The following DOK6 variants were observed in gnomAD, a reference collection of about 807,000 sequenced individuals.
DOK6 encodes downstream of tyrosine kinase 6.
A neutral mutation model predicts 44.0 loss-of-function variants in DOK6; 22 were observed. That is an observed-to-expected ratio of 0.50 (90% CI 0.36 to 0.71). The LOEUF (loss-of-function observed/expected upper bound fraction) is 0.71. Ranked by LOEUF, DOK6 falls within the 30% of genes least tolerant of loss-of-function variation. The probability of loss-of-function intolerance (pLI) is 0.00; values close to 1 mark genes in which losing one functional copy is unlikely to be tolerated. For missense variants in DOK6, 340 were observed against 416.4 expected, an observed-to-expected ratio of 0.82 and a Z score of 1.60; for synonymous variants, 166 against 145.5, an observed-to-expected ratio of 1.14 and a Z score of -1.01.
chr18:69,653,151 G>A (rs1985274223), intron 3 of DOK6, among the ~76,000 whole-genome samples: 1 of 152,142 alleles, frequency 6.6e-6, no homozygotes, highest in Non-Finnish European at 1.5e-5. Flanking sequence ...AAGATAGAAA[G>A]CCACCATGTT....
intron 7 of DOK6, among the ~76,000 whole-genome samples, chr18:69,828,047 C>G (rs1394506272): frequency 2.0e-5 from 3 of 151,790 alleles, no homozygotes; most frequent in Admixed American, 6.6e-5. Context: ...TCTATCTAAA[C>G]CGGGAATACT....
At position 69,803,863 on chromosome 18, in the gene DOK6, A is replaced by AT. The variant is rs561799414; in HGVS notation, c.857-37381_857-37380insT. Among the ~76,000 whole-genome samples the AT allele has an allele frequency of 2.2e-3, 338 of 152,220 alleles. 2 individuals are homozygous for AT. Among genetic ancestry groups the AT allele is most frequent in the African/African-American group, 7.5e-3 (311 of 41,536 alleles). On this transcript the variant is annotated intron_variant, in intron 7 of 7. Coordinates refer to ENST00000382713, the MANE Select transcript of DOK6 (RefSeq NM_152721.6). ...ACAGAGCAAGGCTCCGTCTCAAAAA[A>AT]ATATATATATAGCTATGACCCACAC...
At chr18:69,469,888 G>A (rs893945460) in intron 1 of DOK6, 1 of 232,600 alleles carries the variant, frequency 4.3e-6, no homozygotes, top group Non-Finnish European at 9.0e-6. Flanking sequence ...AGGAAGTGAC[G>A]GCATCTGCTT....
At chr18:69,495,246 G>A (rs1204865735) in intron 1 of DOK6, among the ~76,000 whole-genome samples, 3 of 152,232 alleles carry the variant, frequency 2.0e-5, no homozygotes, top group African/African-American at 7.2e-5. Context: ...TCCCAGGTCT[G>A]GAGAGGGCCA....
At chr18:69,446,758 T>G (rs937811072) in intron 1 of DOK6, among the ~76,000 whole-genome samples, 12 of 152,270 alleles carry the variant, frequency 7.9e-5, no homozygotes, top group South Asian at 6.2e-4. Flanking sequence ...TCTAACTGGT[T>G]TGAGATGGTA....
chr18:69,548,611 C>A lies in DOK6; in HGVS notation c.67-15876C>A, dbSNP rs77809351. Reference sequence around the variant, plus strand: ...AGATATTTTAATGACAGCTGCAGATCTTACAGCTTAGAGACTTGTAGCTTG... The same window carrying A: ...AGATATTTTAATGACAGCTGCAGATATTACAGCTTAGAGACTTGTAGCTTG... On this transcript the variant is annotated intron_variant, in intron 1 of 7. Coordinates refer to ENST00000382713, the MANE Select transcript of DOK6 (RefSeq NM_152721.6). 7.3e-3 allele frequency among the ~76,000 whole-genome samples: 1,107 copies of A among 151,520 alleles called. 22 individuals carry two copies. The highest frequency in any genetic ancestry group is 0.021 in the African/African-American group (870 of 41,450).
At position 69,839,353 on chromosome 18, in the gene DOK6, C is replaced by T. The variant is rs551142266; in HGVS notation, c.857-1891C>T. 1.4e-4 allele frequency among the ~76,000 whole-genome samples: 21 copies of T among 150,646 alleles called. 1 individual carries two copies. In the South Asian group the frequency reaches 2.6e-3, roughly 18 times the overall value. On this transcript the variant is annotated intron_variant, in intron 7 of 7. Transcript: ENST00000382713. ...CCCATAACTCCTCCCCTAGCCCCTC[C>T]CCTGGTCTATCCCATGACTCCTTCC... is the stretch of plus-strand genomic sequence containing the variant.
intron 3 of DOK6, among the ~76,000 whole-genome samples, chr18:69,653,277 T>G (rs1985277094): frequency 6.7e-6 from 1 of 149,954 alleles, no homozygotes; most frequent in Non-Finnish European, 1.5e-5. Flanking sequence ...CTGAGAAGAA[T>G]TTTAGGCAGT....
At chr18:69,588,954 G>A (rs934126668) in intron 2 of DOK6, among the ~76,000 whole-genome samples, 28 of 152,042 alleles carry the variant, frequency 1.8e-4, no homozygotes, top group African/African-American at 6.5e-4. Flanking sequence ...TTGTGTCAGA[G>A]CACATGTCTG....
chr18:69,586,736 T>C (rs1317796099), intron 2 of DOK6, among the ~76,000 whole-genome samples: 3 of 152,096 alleles, frequency 2.0e-5, no homozygotes, highest in Admixed American at 6.5e-5. Flanking sequence ...AAGAGAGGCT[T>C]TGTGCTTAGC....
At chr18:69,578,107 C>G (rs1323825755) in intron 2 of DOK6, among the ~76,000 whole-genome samples, 2 of 151,902 alleles carry the variant, frequency 1.3e-5, no homozygotes, top group Non-Finnish European at 2.9e-5. Context: ...AAGAAAAATA[C>G]CTGTATCACT....
rs183498232 is a variant in DOK6, at chr18:69,646,097, A to T, written c.290-31637A>T. Among the ~76,000 whole-genome samples the T allele has an allele frequency of 3.7e-4, 57 of 152,250 alleles. 1 individual carries two copies. The highest frequency in any genetic ancestry group is 7.6e-4 in the Non-Finnish European group (52 of 67,992). On this transcript the variant is annotated intron_variant, in intron 3 of 7. Transcript: ENST00000382713. ...ACTAGAGTATATCTAGGAATCAATG[A>T]TTCTTTTAAATTTCCCCAGCATGTA...
At chr18:69,665,789 A>T (rs988975987) in intron 3 of DOK6, among the ~76,000 whole-genome samples, 5 of 149,282 alleles carry the variant, frequency 3.3e-5, no homozygotes, top group African/African-American at 2.5e-5. Flanking sequence ...CAGTAGTTAC[A>T]CCCACAGTTT....
chr18:69,703,708 T>A (rs1986571677), intron 5 of DOK6, among the ~76,000 whole-genome samples: 1 of 152,112 alleles, frequency 6.6e-6, no homozygotes, highest in Admixed American at 6.5e-5. Flanking sequence ...CCTACCTCAT[T>A]GCCATGCATA....
At chr18:69,813,412 C>T (rs1267821431) in intron 7 of DOK6, among the ~76,000 whole-genome samples, 2 of 151,814 alleles carry the variant, frequency 1.3e-5, no homozygotes, top group Non-Finnish European at 2.9e-5. Flanking sequence ...TCCTGCAGTG[C>T]CCTGGGAGTA....
chr18:69,439,839 C>T (rs146035184), intron 1 of DOK6, among the ~76,000 whole-genome samples: 3 of 152,328 alleles, frequency 2.0e-5, no homozygotes, highest in Admixed American at 6.5e-5. Context: ...CATGTGTTCA[C>T]TGTAGTAGCA....
At chr18:69,443,926 C>G (rs114121747) in intron 1 of DOK6, among the ~76,000 whole-genome samples, 2,696 of 139,222 alleles carry the variant, frequency 0.019, 35 homozygotes, top group Middle Eastern at 0.031. Context: ...TATGCTTGTA[C>G]TTACCACATT....
intron 2 of DOK6, among the ~76,000 whole-genome samples, chr18:69,594,958 A>G (rs1261107031): frequency 6.6e-6 from 1 of 152,188 alleles, no homozygotes; most frequent in Non-Finnish European, 1.5e-5. Flanking sequence ...ATTTCTATAC[A>G]CCAATAATGA....
chr18:69,708,223 A>G (rs1016077252), intron 5 of DOK6, among the ~76,000 whole-genome samples: 1 of 152,162 alleles, frequency 6.6e-6, no homozygotes, highest in Non-Finnish European at 1.5e-5. Flanking sequence ...GACTCTGTGG[A>G]GGATATTTTA....
Sources: allele counts gnomAD v4.1 joint callset (sites outside exome capture counted in the v4.1 genomes callset), GRCh38; gene constraint gnomAD v4.1.1; transcripts MANE v1.5; gene names NCBI Gene and HGNC (gene_info 2026-07-23, HGNC 2026-07-21).